Variants in PLEKHG6 observed in about 807,000 individuals in gnomAD.
PLEKHG6 encodes pleckstrin homology and RhoGEF domain containing G6.
PLEKHG6 carries 91 observed loss-of-function variants against 97.5 expected under a neutral mutation model. The ratio of observed to expected loss-of-function variants is 0.93; its 90% CI spans 0.79 to 1.11. The LOEUF (loss-of-function observed/expected upper bound fraction) is 1.11, where lower values mean the gene tolerates loss of function less well. Ranked by LOEUF, PLEKHG6 falls within the 50% of genes most tolerant of loss-of-function variation. PLEKHG6 has a pLI of 0.00. For synonymous variants in PLEKHG6, 466 were observed against 425.5 expected (o/e 1.10, Z -1.17); for missense variants, 1,044 against 1,031.0 (o/e 1.01, Z -0.17).
At chr12:6,317,267 A>G in intron 7 of PLEKHG6, 36 bp from the exon 8 acceptor site, 4 of 1,383,248 alleles carry the variant, frequency 2.9e-6, no homozygotes, top group Non-Finnish European at 4.1e-6. Context: ...CCTTCTCCCC[A>G]TGCCTGCTCC....
chr12:6,327,479 T>TGGGCGCCCCC lies in PLEKHG6; in HGVS notation c.1896_1897insGGGCGCCCCC (p.Pro633GlyfsTer40). 1 of 1,603,268 alleles carries TGGGCGCCCCC rather than the reference T, an allele frequency of 6.2e-7. No homozygotes were observed. Among genetic ancestry groups the TGGGCGCCCCC allele is most frequent in the Non-Finnish European group, 8.5e-7 (1 of 1,171,714 alleles). The stretch of plus-strand genomic sequence containing the variant: ...TGGAACTCCGGGACATCCCTCTGCG[T>TGGGCGCCCCC]CCCCACCCTCCCGACCCCCAAGCTC... On this transcript the variant is annotated frameshift_variant, in exon 15 of 16. Coordinates refer to ENST00000684764, the MANE Select transcript of PLEKHG6 (RefSeq NM_001384598.1). LOFTEE classifies it high-confidence loss of function.
chr12:6,320,145 G>A (rs560417936), intron 13 of PLEKHG6, among the ~76,000 whole-genome samples: 1 of 152,306 alleles, frequency 6.6e-6, no homozygotes, highest in East Asian at 1.9e-4. Flanking sequence ...AGGCTAGGGG[G>A]TAGGTGCCAC....
chr12:6,313,126 G>A, intron 2 of PLEKHG6: 1 of 1,543,020 alleles, frequency 6.5e-7, no homozygotes, highest in Non-Finnish European at 8.8e-7. Context: ...CACACAGAAG[G>A]GCAGCCACTC....
chr12:6,327,337 C>A lies in PLEKHG6; in HGVS notation c.1754C>A (p.Thr585Asn). The change falls in exon 15 of 16, where the codon ACC becomes AAC. Residue 585 changes from threonine (T) to asparagine (N), a missense_variant. Physicochemically the swap from Thr to Asn is moderately conservative, Grantham distance 65. Transcript: ENST00000684764. ...DEDAPLVPDD[T>N]SDSGYGTLIP... ...GATGCTCCCCTTGTGCCAGATGATA[C>A]CTCAGACTCTGGCTACGGCACTTTG... is the stretch of plus-strand genomic sequence containing the variant. 6.2e-7 allele frequency: 1 copy of A among 1,613,872 alleles called. No homozygotes were observed. The highest frequency in any genetic ancestry group is 8.5e-7 in the Non-Finnish European group (1 of 1,179,748).
In PLEKHG6 at chr12:6,315,416, A is replaced by G. The variant is rs1244044067; in HGVS notation, c.460-138A>G. ...GATAATACCACCTACACATCAGAGC[A>G]CTGGTTTGAGGATTAAAAGGTCATG... is the stretch of plus-strand genomic sequence containing the variant. On this transcript the variant is annotated intron_variant, in intron 4 of 15. Transcript: ENST00000684764. This position sits in a 1 kb window ranked among gnomAD's most constrained non-coding sequence, Gnocchi z 4.5. The G allele has an allele frequency of 1.0e-5, 7 of 674,680 alleles. No individual in the cohort carries two copies. The highest frequency in any genetic ancestry group is 9.1e-5 in the African/African-American group (5 of 55,124). 41.8% of individuals were successfully genotyped at this position (674,680 alleles called of 1,614,324 possible).
intron 2 of PLEKHG6, chr12:6,313,287 C>T (rs920486645): frequency 1.7e-6 from 2 of 1,147,176 alleles, no homozygotes; most frequent in South Asian, 1.3e-5. Context: ...CCATGCACCC[C>T]CCATGGTACG....
chr12:6,318,155 A>T lies in PLEKHG6; in HGVS notation c.1156-146A>T, dbSNP rs957799325. The stretch of plus-strand genomic sequence containing the variant: ...CCAAGGGGTACAGGTCAGAAGAGCA[A>T]AAAGGAGGCCCTGGGAGGCTTTCTC... On this transcript the variant is annotated intron_variant, in intron 10 of 15. Transcript: ENST00000684764. The T allele has an allele frequency of 7.8e-6, 11 of 1,413,758 alleles. No individual in the cohort carries two copies. The African/African-American group carries it at 1.6e-4, about 20-fold the overall frequency. The allele number at this position is 1,413,758 out of a possible 1,614,324, so 87.6% of individuals were successfully genotyped here. A position where few individuals can be genotyped will look rare whatever the true frequency, so the allele number is the denominator to read the frequency against.
chr12:6,315,727 A>G lies in PLEKHG6; in HGVS notation c.555+78A>G. The G allele has an allele frequency of 4.9e-6, 6 of 1,224,140 alleles. No individual in the cohort carries two copies. Among genetic ancestry groups the G allele is most frequent in the Non-Finnish European group, 6.9e-6 (6 of 864,868 alleles). 75.8% of individuals were successfully genotyped at this position (1,224,140 alleles called of 1,614,324 possible). A position where few individuals can be genotyped will look rare whatever the true frequency, so the allele number is the denominator to read the frequency against. The stretch of plus-strand genomic sequence containing the variant: ...ATCCTCCCAGACTGGAAGGCAGGTC[A>G]CTGGGGGAGGGAGGGGCAGGATTTC... On this transcript the variant is annotated intron_variant, in intron 5 of 15. Coordinates refer to ENST00000684764, the MANE Select transcript of PLEKHG6 (RefSeq NM_001384598.1). The surrounding 1 kb of genome is among the most constrained non-coding windows in gnomAD (Gnocchi z 4.5).
chr12:6,316,493 T>A lies in PLEKHG6; in HGVS notation c.756+89T>A, dbSNP rs1430122980. ...GTAGGGCATGCCCACAGTATGCAAA[T>A]CTCTGTGATTTGAGGGGCCGCAGGA... On this transcript the variant is annotated intron_variant, in intron 7 of 15. Transcript: ENST00000684764. This position sits in a 1 kb window ranked among gnomAD's most constrained non-coding sequence, Gnocchi z 4.1. 1.6e-6 allele frequency: 2 copies of A among 1,275,450 alleles called. No homozygotes were observed. Among genetic ancestry groups the A allele is most frequent in the African/African-American group, 3.0e-5 (2 of 66,612 alleles). The allele number at this position is 1,275,450 out of a possible 1,614,324, so 79.0% of individuals were successfully genotyped here.
chr12:6,311,866 G>C (rs1423473555), intron 1 of PLEKHG6, among the ~76,000 whole-genome samples: 1 of 152,094 alleles, frequency 6.6e-6, no homozygotes, highest in African/African-American at 2.4e-5. Context: ...ACCTGTCTGT[G>C]ACCCTTGTTC....
At chr12:6,313,209 G>A (rs375087301) in intron 2 of PLEKHG6, 25 of 1,545,108 alleles carry the variant, frequency 1.6e-5, no homozygotes, top group Admixed American at 5.9e-5. Flanking sequence ...GTCCCCATGT[G>A]TGAGGGAGGC....
At chr12:6,318,444 G>A in intron 11 of PLEKHG6, 24 bp downstream of exon 11, 2 of 1,586,280 alleles carry the variant, frequency 1.3e-6, no homozygotes, top group Non-Finnish European at 1.7e-6. Flanking sequence ...GGACAGAGTG[G>A]AGGGGATGGG....
chr12:6,315,899 C>G lies in PLEKHG6; in HGVS notation c.586C>G (p.Arg196Gly). ...LLAAGLLNLQ[R>G]VGLLMEVSAE... Reference sequence around the variant, plus strand: ...AGCCGCCGGCCTGCTGAACCTGCAGCGAGTGGGACTGCTGATGGAAGTGAG... The same window carrying G: ...AGCCGCCGGCCTGCTGAACCTGCAGGGAGTGGGACTGCTGATGGAAGTGAG... Residue 196 changes from arginine (R) to glycine (G), a missense_variant, in exon 6 of 16, where the codon CGA becomes GGA. Arg to Gly is a moderately radical substitution (Grantham distance 125). Transcript: ENST00000684764. The surrounding 1 kb of genome is among the most constrained non-coding windows in gnomAD (Gnocchi z 4.5). 1.3e-6 allele frequency: 2 copies of G among 1,579,840 alleles called. No homozygotes were observed. Among genetic ancestry groups the G allele is most frequent in the Non-Finnish European group, 1.7e-6 (2 of 1,162,550 alleles).
intron 13 of PLEKHG6, among the ~76,000 whole-genome samples, chr12:6,319,975 C>G (rs79802008): frequency 0.016 from 2,506 of 152,196 alleles, 62 homozygotes; most frequent in African/African-American, 0.056. Flanking sequence ...GGGAGGATAC[C>G]TAGGAGTATG....
In PLEKHG6 at chr12:6,316,268, C is replaced by T. The variant is rs1210256407; in HGVS notation, c.620C>T (p.Thr207Ile). ...VGLLMEVSAETLFGNVPSLIR... is the reference protein window; with the variant it reads ...VGLLMEVSAEILFGNVPSLIR... Reference sequence around the variant, plus strand: ...TCCCTCCTCCAGGTGTCAGCTGAGACCCTGTTTGGAAATGTCCCCAGCCTG... The same window carrying T: ...TCCCTCCTCCAGGTGTCAGCTGAGATCCTGTTTGGAAATGTCCCCAGCCTG... Residue 207 changes from threonine (T) to isoleucine (I), a missense_variant, in exon 7 of 16, where the codon ACC (threonine) becomes ATC (isoleucine). By Grantham distance (89) the Thr-to-Ile change is moderately conservative (BLOSUM62 -1). Transcript: ENST00000684764. This position sits in a 1 kb window ranked among gnomAD's most constrained non-coding sequence, Gnocchi z 4.1. 1 of 1,553,774 alleles carries T rather than the reference C, an allele frequency of 6.4e-7. No individual in the cohort carries two copies. Among genetic ancestry groups the T allele is most frequent in the South Asian group, 1.2e-5 (1 of 84,066 alleles).
intron 13 of PLEKHG6, among the ~76,000 whole-genome samples, chr12:6,324,755 T>C (rs1367589742): frequency 1.3e-5 from 2 of 152,196 alleles, no homozygotes; most frequent in Admixed American, 6.5e-5. Flanking sequence ...TCCCTGTTCA[T>C]CCATTTCGTC....
At position 6,312,141 on chromosome 12, in the gene PLEKHG6, C is replaced by T; in HGVS notation, c.-68-18C>T. On this transcript the variant is annotated intron_variant, in intron 1 of 15. Transcript: ENST00000684764. Reference sequence around the variant, plus strand: ...CTGATTGGGGATGGCCCTTCCATTCCTCTTTTCTCTCTTGCAGCCCTAGGG... The same window carrying T: ...CTGATTGGGGATGGCCCTTCCATTCTTCTTTTCTCTCTTGCAGCCCTAGGG... The T allele has an allele frequency of 8.1e-7, 1 of 1,238,440 alleles. No individual in the cohort carries two copies. 76.7% of individuals were successfully genotyped at this position (1,238,440 alleles called of 1,614,324 possible).
chr12:6,314,897 C>A, intron 3 of PLEKHG6, 108 bp from the exon 4 acceptor site: 1 of 1,018,978 alleles, frequency 9.8e-7, no homozygotes. Flanking sequence ...CAGACACAGA[C>A]ACACGCACAC....
At chr12:6,311,945 A>C (rs1947283531) in intron 1 of PLEKHG6, among the ~76,000 whole-genome samples, 1 of 152,120 alleles carries the variant, frequency 6.6e-6, no homozygotes, top group Non-Finnish European at 1.5e-5. Flanking sequence ...GTACATCTCC[A>C]AGGGGCTTCC....
Sources: allele counts gnomAD v4.1 joint callset (sites outside exome capture counted in the v4.1 genomes callset), GRCh38; gene constraint gnomAD v4.1.1; non-coding constraint Gnocchi (gnomAD v3.1); transcripts MANE v1.5; gene names NCBI Gene and HGNC (gene_info 2026-07-23, HGNC 2026-07-21).